The following LRP1B variants were observed in gnomAD, a reference collection of about 807,000 sequenced individuals.
LRP1B encodes the protein low-density lipoprotein receptor-related protein 1B.
LRP1B carries 217 observed loss-of-function variants against 556.6 expected under a neutral mutation model. The ratio of observed to expected loss-of-function variants is 0.39; its 90% CI spans 0.35 to 0.44. LRP1B has a LOEUF of 0.44. LRP1B is among the 20% of genes least tolerant of loss of function. The probability of loss-of-function intolerance (pLI) is 1.00; values close to 1 mark genes in which losing one functional copy is unlikely to be tolerated. For missense variants in LRP1B, 5,053 were observed against 5,620.8 expected (o/e 0.90, Z 3.23); for synonymous variants, 2,047 against 1,865.8 (o/e 1.10, Z -2.50).
intron 2 of LRP1B, among the ~76,000 whole-genome samples, chr2:141,691,355 T>A (rs1018687939): frequency 6.6e-6 from 1 of 151,596 alleles, no homozygotes; most frequent in Non-Finnish European, 1.5e-5. Flanking sequence ...AGACCCAGAA[T>A]TTATGGTGCT....
chr2:140,278,221 G>C (rs1047953139), intron 84 of LRP1B, among the ~76,000 whole-genome samples: 1 of 151,968 alleles, frequency 6.6e-6, no homozygotes, highest in Non-Finnish European at 1.5e-5. Flanking sequence ...GAGGAGAAAG[G>C]AGAGTGATGA....
At chr2:141,243,045 TTAC>T (rs1317283970) in intron 5 of LRP1B, among the ~76,000 whole-genome samples, 1 of 152,110 alleles carries the variant, frequency 6.6e-6, no homozygotes, top group Non-Finnish European at 1.5e-5. Context: ...TGACAAGTCA[TTAC>T]TACAACTCTA....
chr2:140,845,706 G>A (rs1692254614), intron 29 of LRP1B, among the ~76,000 whole-genome samples: 1 of 151,988 alleles, frequency 6.6e-6, no homozygotes, highest in South Asian at 2.1e-4. Context: ...TTGGAAGCAT[G>A]AGAACCAAAA....
At chr2:140,541,645 A>G in intron 44 of LRP1B, 134 bp downstream of exon 44, 1 of 690,776 alleles carries the variant, frequency 1.4e-6, no homozygotes. Context: ...AACAAAATCC[A>G]CAGTCATAGT....
At chr2:140,459,899 G>A (rs773930330) in intron 60 of LRP1B, among the ~76,000 whole-genome samples, 45 of 152,108 alleles carry the variant, frequency 3.0e-4, no homozygotes, top group Non-Finnish European at 5.9e-4. Flanking sequence ...GCCATGTGAA[G>A]ACATGTTTGC....
chr2:141,960,267 C>T (rs1204151004), intron 1 of LRP1B, among the ~76,000 whole-genome samples: 1 of 151,798 alleles, frequency 6.6e-6, no homozygotes, highest in Non-Finnish European at 1.5e-5. Context: ...TAATTGGCAG[C>T]AAAATCAAGT....
At chr2:140,279,527 C>T (rs1228837426) in intron 84 of LRP1B, among the ~76,000 whole-genome samples, 1 of 151,838 alleles carries the variant, frequency 6.6e-6, no homozygotes, top group East Asian at 1.9e-4. Context: ...AAATATGTGC[C>T]ATATTTTCAT....
At chr2:141,382,028 C>T (rs996622370) in intron 3 of LRP1B, among the ~76,000 whole-genome samples, 2 of 151,786 alleles carry the variant, frequency 1.3e-5, no homozygotes, top group African/African-American at 2.4e-5. Flanking sequence ...ACACTCCCAG[C>T]TTCAAGTCCA....
At chr2:142,030,280 A>G (rs1703644431) in intron 1 of LRP1B, among the ~76,000 whole-genome samples, 1 of 151,938 alleles carries the variant, frequency 6.6e-6, no homozygotes, top group Non-Finnish European at 1.5e-5. Flanking sequence ...GTCATTAAAA[A>G]TCAGTCAATA....
rs1698960719 is a variant in LRP1B, at chr2:141,049,045, C to T, written c.1730G>A (p.Ser577Asn). Residue 577 changes from serine (S) to asparagine (N), a missense_variant, in exon 11 of 91, where the codon AGT becomes AAT. By Grantham distance (46) the Ser-to-Asn change is conservative. Transcript: ENST00000389484. ...TNYIYFADTT[S>N]FLIGRQKIDG... ...TATCTTCTGCCGGCCAATTAGGAAA[C>T]TGGTGGTGTCAGCAAAGTAGATGTA... The T allele has an allele frequency of 1.2e-6, 2 of 1,613,568 alleles. No individual in the cohort carries two copies. The highest frequency in any genetic ancestry group is 1.7e-6 in the Non-Finnish European group (2 of 1,179,694).
chr2:141,777,670 C>T (rs1187990481), intron 2 of LRP1B, among the ~76,000 whole-genome samples: 3 of 152,112 alleles, frequency 2.0e-5, no homozygotes, highest in Non-Finnish European at 4.4e-5. Flanking sequence ...CCATCTCGGC[C>T]TCCCAAATTG....
At chr2:141,436,178 A>G (rs980031848) in intron 3 of LRP1B, among the ~76,000 whole-genome samples, 1 of 152,242 alleles carries the variant, frequency 6.6e-6, no homozygotes, top group Non-Finnish European at 1.5e-5. Flanking sequence ...GATTTAACAT[A>G]TGTACATATG....
chr2:141,253,347 G>T (rs760670197), intron 4 of LRP1B, among the ~76,000 whole-genome samples: 12 of 152,140 alleles, frequency 7.9e-5, no homozygotes, highest in Non-Finnish European at 1.2e-4. Flanking sequence ...ATAAATATGA[G>T]AGTTTGGCCT....
At chr2:141,859,844 G>A (rs1574436616) in intron 1 of LRP1B, among the ~76,000 whole-genome samples, 1 of 152,062 alleles carries the variant, frequency 6.6e-6, no homozygotes, top group Admixed American at 6.5e-5. Flanking sequence ...GAAGTTGACA[G>A]GTATTTTGTG....
In LRP1B at chr2:141,311,399, G is replaced by A. The variant is rs183582211; in HGVS notation, c.344-56758C>T. ...ATTGAAGATACAGTAGGATACTGGG[G>A]AAACTGGGTTCTTTGGTGGTTTTAC... On this transcript the variant is annotated intron_variant, in intron 3 of 90. Coordinates refer to ENST00000389484, the MANE Select transcript of LRP1B (RefSeq NM_018557.3). Among the ~76,000 whole-genome samples the A allele has an allele frequency of 1.6e-3, 245 of 152,166 alleles. 1 individual carries two copies. The highest frequency in any genetic ancestry group is 5.4e-3 in the African/African-American group (225 of 41,544).
In LRP1B at chr2:140,731,639, G is replaced by A. The variant is rs193007754; in HGVS notation, c.5759-14823C>T. Among the ~76,000 whole-genome samples the A allele has an allele frequency of 5.7e-3, 863 of 151,730 alleles. 8 individuals are homozygous for A. The highest frequency in any genetic ancestry group is 0.019 in the African/African-American group (804 of 41,450). Reference sequence around the variant, plus strand: ...AAAAATTAACTGGGCGTGGTGGCCCGTGCCTGTAGTCCCAGCTACTCAGGA... The same window carrying A: ...AAAAATTAACTGGGCGTGGTGGCCCATGCCTGTAGTCCCAGCTACTCAGGA... On this transcript the variant is annotated intron_variant, in intron 35 of 90. Coordinates refer to ENST00000389484, the MANE Select transcript of LRP1B (RefSeq NM_018557.3).
At chr2:140,747,076 G>A (rs1329204331) in intron 35 of LRP1B, among the ~76,000 whole-genome samples, 8 of 152,136 alleles carry the variant, frequency 5.3e-5, no homozygotes, top group Non-Finnish European at 4.4e-5. Flanking sequence ...AGGTTTCTGG[G>A]TCTCTGTGTC....
chr2:140,309,233 A>C (rs952853665), intron 83 of LRP1B, among the ~76,000 whole-genome samples: 50 of 151,634 alleles, frequency 3.3e-4, no homozygotes, highest in African/African-American at 1.2e-3. Context: ...AGCCTGACAA[A>C]GAAAAAGAAG....
intron 6 of LRP1B, among the ~76,000 whole-genome samples, chr2:141,209,047 T>G (rs1451556422): frequency 6.6e-6 from 1 of 152,068 alleles, no homozygotes; most frequent in Admixed American, 6.5e-5. Context: ...ATTACATCCT[T>G]AGAAACAAGC....
Sources: gnomAD v4.1 joint callset for allele counts (sites outside exome capture counted in the v4.1 genomes callset) on GRCh38, gnomAD v4.1.1 for gene constraint, MANE v1.5 for transcripts, NCBI Gene and HGNC (gene_info 2026-07-23, HGNC 2026-07-21) for gene names.